The following RIMS2 variants were observed in gnomAD, a reference collection of about 807,000 sequenced individuals.
The protein encoded by RIMS2 is regulating synaptic membrane exocytosis protein 2.
Under a neutral mutation model 174.4 loss-of-function variants are expected in RIMS2, and 59 were observed. That is an observed-to-expected ratio of 0.34 (90% CI 0.27 to 0.42). The LOEUF is 0.42. RIMS2 is among the 10% of genes least tolerant of loss of function. The pLI, the probability that RIMS2 is intolerant of heterozygous loss-of-function variation, is 1.00. For synonymous variants in RIMS2, 606 were observed against 572.5 expected (o/e 1.06, Z -0.84); for missense variants, 1,620 against 1,666.3 (o/e 0.97, Z 0.48).
At chr8:103,676,342 C>G (rs1590135505) in intron 1 of RIMS2, among the ~76,000 whole-genome samples, 1 of 152,100 alleles carries the variant, frequency 6.6e-6, no homozygotes, top group Admixed American at 6.5e-5. Context: ...AATTACTGAG[C>G]TCAGGGTAGA....
At chr8:103,629,957 C>G (rs533420279) in intron 1 of RIMS2, among the ~76,000 whole-genome samples, 1 of 151,908 alleles carries the variant, frequency 6.6e-6, no homozygotes, top group East Asian at 1.9e-4. Context: ...TATGTGTCCT[C>G]AGAGTCCCAG....
At chr8:103,520,949 G>C (rs1831368142) in intron 1 of RIMS2, among the ~76,000 whole-genome samples, 1 of 151,968 alleles carries the variant, frequency 6.6e-6, no homozygotes, top group Non-Finnish European at 1.5e-5. Context: ...CCTTGCGATA[G>C]TTTGCTGAGA....
At chr8:104,154,082 T>A (rs981934917) in intron 19 of RIMS2, among the ~76,000 whole-genome samples, 1 of 152,194 alleles carries the variant, frequency 6.6e-6, no homozygotes, top group Non-Finnish European at 1.5e-5. Flanking sequence ...CTAGTCACAG[T>A]TCAAAGCATT....
intron 3 of RIMS2, among the ~76,000 whole-genome samples, chr8:103,776,295 TAGAA>T (rs2098315337): frequency 6.6e-6 from 1 of 152,140 alleles, no homozygotes; most frequent in South Asian, 2.1e-4. Context: ...CGAAGTGTGA[TAGAA>T]AGATCTTTGG....
chr8:103,660,289 A>T (rs2096582728), intron 1 of RIMS2, among the ~76,000 whole-genome samples: 1 of 152,222 alleles, frequency 6.6e-6, no homozygotes, highest in Non-Finnish European at 1.5e-5. Flanking sequence ...CAGTACCACA[A>T]GATCATGGCG....
chr8:103,976,551 T>TTTCTTTC (rs1438999947), intron 16 of RIMS2: 3 of 144,020 alleles, frequency 2.1e-5, no homozygotes, highest in African/African-American at 5.4e-5. Context: ...TCTTTTTCTT[T>TTTCTTTC]TTTTTTTTTT....
intron 6 of RIMS2, among the ~76,000 whole-genome samples, chr8:103,912,980 T>TTTC (rs2075987534): frequency 6.8e-6 from 1 of 146,208 alleles, no homozygotes; most frequent in Non-Finnish European, 1.5e-5. Context: ...GTTTTTTTTT[T>TTTC]TTTTTTTTTT....
At chr8:104,011,163 A>G (rs892989335) in intron 17 of RIMS2, among the ~76,000 whole-genome samples, 1 of 152,148 alleles carries the variant, frequency 6.6e-6, no homozygotes, top group Non-Finnish European at 1.5e-5. Context: ...TGTCTAAGCT[A>G]GTCAGACCTA....
intron 19 of RIMS2, among the ~76,000 whole-genome samples, chr8:104,054,754 C>CT (rs1170163049): frequency 2.0e-5 from 3 of 151,812 alleles, no homozygotes; most frequent in Non-Finnish European, 4.4e-5. Flanking sequence ...AATGATGTTT[C>CT]TTTAAGTATC....
chr8:103,549,556 C>T (rs557997510), intron 1 of RIMS2, among the ~76,000 whole-genome samples: 5 of 152,284 alleles, frequency 3.3e-5, no homozygotes, highest in African/African-American at 1.2e-4. Flanking sequence ...GAAGAAACTG[C>T]ATCAACTAAT....
chr8:103,795,252 C>G (rs1268047376), intron 3 of RIMS2, among the ~76,000 whole-genome samples: 1 of 152,020 alleles, frequency 6.6e-6, no homozygotes, highest in African/African-American at 2.4e-5. Flanking sequence ...TACTATGCAG[C>G]CATAAAAAGG....
At chr8:103,500,881 C>T (rs1487774797) in exon 1 of RIMS2, 2 of 1,587,118 alleles carry the variant, frequency 1.3e-6, no homozygotes, top group South Asian at 1.1e-5. Context: ...TTCGGCTCCA[C>T]CAAACATGTC....
chr8:103,954,221 C>T (rs2086371905), intron 14 of RIMS2, among the ~76,000 whole-genome samples: 1 of 152,096 alleles, frequency 6.6e-6, no homozygotes, highest in South Asian at 2.1e-4. Context: ...CAAGGATATT[C>T]AGGACTTGAA....
intron 19 of RIMS2, among the ~76,000 whole-genome samples, chr8:104,104,882 GA>G (rs199647482): frequency 0.034 from 3,950 of 116,398 alleles, 50 homozygotes; most frequent in Middle Eastern, 0.13. Flanking sequence ...CCTGTCTCAA[GA>G]AAAAAAAAAA....
intron 2 of RIMS2, among the ~76,000 whole-genome samples, chr8:103,713,191 G>A (rs186328975): frequency 1.3e-5 from 2 of 152,190 alleles, no homozygotes; most frequent in South Asian, 2.1e-4. Flanking sequence ...GCTAATTTTT[G>A]TATATTTAGT....
At chr8:103,867,424 T>C (rs1245286292) in intron 3 of RIMS2, among the ~76,000 whole-genome samples, 4 of 151,828 alleles carry the variant, frequency 2.6e-5, no homozygotes, top group African/African-American at 9.6e-5. Flanking sequence ...ATGTTTATAA[T>C]CCATTTTAAA....
intron 15 of RIMS2, among the ~76,000 whole-genome samples, chr8:103,968,542 T>C (rs2092438295): frequency 6.6e-6 from 1 of 151,808 alleles, no homozygotes; most frequent in Non-Finnish European, 1.5e-5. Context: ...TACTCTAGAG[T>C]TTGTAGTATA....
chr8:104,014,550 C>T (rs750625773), exon 19 of RIMS2: 1 of 1,613,136 alleles, frequency 6.2e-7, no homozygotes, highest in Non-Finnish European at 8.5e-7. Flanking sequence ...CCATCAAGTA[C>T]TCCAGTCGCA....
intron 12 of RIMS2, among the ~76,000 whole-genome samples, chr8:103,934,250 T>C (rs12679980): frequency 0.38 from 57,873 of 151,908 alleles, 11,735 homozygotes; most frequent in Non-Finnish European, 0.44. Flanking sequence ...ACTACCTTCT[T>C]AGCAATTTGA....
Sources: gnomAD v4.1 joint callset for allele counts (sites outside exome capture counted in the v4.1 genomes callset) on GRCh38, gnomAD v4.1.1 for gene constraint, MANE v1.5 for transcripts, NCBI Gene and HGNC (gene_info 2026-07-23, HGNC 2026-07-21) for gene names.